The following TCOF1 variants were observed in gnomAD, a reference collection of about 807,000 sequenced individuals.
The protein encoded by TCOF1 is treacle protein.
TCOF1 carries 33 observed loss-of-function variants against 149.0 expected under a neutral mutation model. That is an observed-to-expected ratio of 0.22 (90% CI 0.17 to 0.30). TCOF1 has a LOEUF of 0.30. Among genes scored for constraint, TCOF1 ranks in the 10% least tolerant of loss-of-function variants. TCOF1 has a pLI of 1.00. For synonymous variants in TCOF1, 789 were observed against 738.8 expected (o/e 1.07, Z -1.10); for missense variants, 1,728 against 1,840.7 (o/e 0.94, Z 1.12).
chr5:150,388,119 G>A (rs745407465), intron 18 of TCOF1, 31 bp downstream of exon 18: 1 of 1,612,098 alleles, frequency 6.2e-7, no homozygotes, highest in South Asian at 1.1e-5. Context: ...GTGGTGGGAG[G>A]GGCTGCCAGC....
intron 19 of TCOF1, among the ~76,000 whole-genome samples, chr5:150,390,930 G>A (rs1581198476): frequency 6.6e-6 from 1 of 152,208 alleles, no homozygotes; most frequent in Admixed American, 6.5e-5. Flanking sequence ...TCACCAGCTG[G>A]TAGGAGAGGA....
Position 150,387,984 on chromosome 5 carries a change from C to A in TCOF1, c.2942C>A (p.Ala981Glu). 1.2e-6 allele frequency: 2 copies of A among 1,613,988 alleles called. No homozygotes were observed. Among genetic ancestry groups the A allele is most frequent in the African/African-American group, 1.3e-5 (1 of 75,060 alleles). ...GCTACACCCGCACAAGCCCAGGCTG[C>A]AAGCACCCCGAGGAAGGCCCGAGCC... ...PAATPAQAQAASTPRKARASE... is the reference protein window; with the variant it reads ...PAATPAQAQAESTPRKARASE... The change falls in exon 18 of 27, where the codon GCA becomes GAA. Residue 981 changes from alanine (A) to glutamate (E), a missense_variant. Ala to Glu is a moderately radical substitution (Grantham distance 107). This residue lies in a region of TCOF1 where 1,696 missense variants were observed against 1,765.4 expected (regional missense o/e 0.96). Transcript: ENST00000643257.
intron 1 of TCOF1, among the ~76,000 whole-genome samples, chr5:150,359,790 A>G (rs1422378029): frequency 6.6e-6 from 1 of 152,242 alleles, no homozygotes; most frequent in African/African-American, 2.4e-5. Flanking sequence ...AAAAAGTTTA[A>G]TAAGTTAATG....
rs1344576552 is a variant in TCOF1, at chr5:150,379,661, G to A, written c.2788G>A (p.Asp930Asn). Residue 930 changes from aspartate (D) to asparagine (N), a missense_variant, in exon 17 of 27, where the codon GAT (aspartate) becomes AAT (asparagine). Asp to Asn is a conservative substitution (Grantham distance 23, BLOSUM62 1). Coordinates refer to ENST00000643257, the MANE Select transcript of TCOF1 (RefSeq NM_001371623.1). ...TTCGGCTGCCCAGGCAGGGAAGCAG[G>A]ATGACTCAGGGAGCAGCAGCGAGGA... ...GPSAAQAGKQ[D>N]DSGSSSEESD... The A allele has an allele frequency of 6.2e-7, 1 of 1,614,208 alleles. No homozygotes were observed. Among genetic ancestry groups the A allele is most frequent in the Non-Finnish European group, 8.5e-7 (1 of 1,180,038 alleles).
In TCOF1 at chr5:150,374,809, C is replaced by G. The variant is rs1763358511; in HGVS notation, c.1276C>G (p.Gln426Glu). The G allele has an allele frequency of 1.9e-6, 3 of 1,606,108 alleles. No individual in the cohort carries two copies. Among genetic ancestry groups the G allele is most frequent in the Non-Finnish European group, 2.5e-6 (3 of 1,176,688 alleles). Residue 426 changes from glutamine to glutamate, a missense_variant and splice_region_variant, in exon 9 of 27, where the codon CAG becomes GAG. Coordinates refer to ENST00000643257, the MANE Select transcript of TCOF1 (RefSeq NM_001371623.1). ...ESDSEEEAPA[Q>E]AKPSGKAPQV... ...GGACAGTGAGGAGGAGGCGCCTGCT[C>G]AGGTGAGGCAGAGGGGAGGGGTGGA...
intron 6 of TCOF1, among the ~76,000 whole-genome samples, chr5:150,370,060 G>A (rs972586672): frequency 7.2e-5 from 11 of 152,234 alleles, no homozygotes; most frequent in Non-Finnish European, 1.5e-4. Context: ...CACTTGGCTA[G>A]AGTTGGGCAG....
At chr5:150,373,486 G>T (rs1193579590) in intron 7 of TCOF1, among the ~76,000 whole-genome samples, 1 of 152,180 alleles carries the variant, frequency 6.6e-6, no homozygotes, top group Non-Finnish European at 1.5e-5. Flanking sequence ...TGTTTTCTAG[G>T]GTTGTTGGCC....
chr5:150,380,085 AG>A, intron 17 of TCOF1: 3 of 265,882 alleles, frequency 1.1e-5, no homozygotes, highest in Non-Finnish European at 7.4e-6. Context: ...AAAAAAAAAA[AG>A]AAAAAAAAGA....
At chr5:150,371,426 G>GT (rs372137281) in intron 6 of TCOF1, among the ~76,000 whole-genome samples, 456 of 152,324 alleles carry the variant, frequency 3.0e-3, no homozygotes, top group African/African-American at 0.01. Context: ...CAGAGCTCCA[G>GT]TAGCAGACGC....
At chr5:150,379,130 G>A (rs1764459812) in intron 15 of TCOF1, 88 bp downstream of exon 15, 3 of 1,613,788 alleles carry the variant, frequency 1.9e-6, no homozygotes, top group Middle Eastern at 1.6e-4. Flanking sequence ...GAAGGTGCGT[G>A]CATGGGCAGG....
intron 17 of TCOF1, among the ~76,000 whole-genome samples, chr5:150,387,493 C>G (rs1766523306): frequency 2.0e-5 from 3 of 152,158 alleles, no homozygotes; most frequent in Admixed American, 1.3e-4. Context: ...CTGCTTAGAC[C>G]ACTCCCTGCA....
chr5:150,379,476 T>C, intron 16 of TCOF1, 56 bp from the exon 17 acceptor site: 1 of 1,614,064 alleles, frequency 6.2e-7, no homozygotes, highest in South Asian at 1.1e-5. Flanking sequence ...CCAGCTCCTG[T>C]CTTCTCACAC....
Position 150,375,918 on chromosome 5 carries a change from T to C in TCOF1, c.1893+9T>C. On this transcript the variant is annotated intron_variant, in intron 12 of 26. Transcript: ENST00000643257. Reference sequence around the variant, plus strand: ...CCATGACTGCAGCTCAGGTGAGGCCTGGGGAAGGAGGCTGCTACATGGCCT... The same window carrying C: ...CCATGACTGCAGCTCAGGTGAGGCCCGGGGAAGGAGGCTGCTACATGGCCT... 1 of 1,614,176 alleles carries C rather than the reference T, an allele frequency of 6.2e-7. No individual in the cohort carries two copies. The highest frequency in any genetic ancestry group is 8.5e-7 in the Non-Finnish European group (1 of 1,180,036).
At chr5:150,389,864 G>A in intron 18 of TCOF1, 23 bp from the exon 19 acceptor site, 2 of 1,614,136 alleles carry the variant, frequency 1.2e-6, no homozygotes, top group Non-Finnish European at 1.7e-6. Context: ...GCCCTGATGT[G>A]CCCCCATCTC....
At chr5:150,375,652 C>T in intron 11 of TCOF1, 69 bp from the exon 12 acceptor site, 2 of 1,612,746 alleles carry the variant, frequency 1.2e-6, no homozygotes, top group Non-Finnish European at 1.7e-6. Flanking sequence ...TGTCTACAAT[C>T]TTAGTTTCTT....
intron 7 of TCOF1, among the ~76,000 whole-genome samples, chr5:150,373,955 CAG>C (rs796555990): frequency 2.0e-5 from 3 of 152,194 alleles, no homozygotes; most frequent in African/African-American, 7.2e-5. Context: ...TGAAATGGAA[CAG>C]GGGGCATGGA....
At chr5:150,377,727 C>T (rs1764148352) in intron 14 of TCOF1, among the ~76,000 whole-genome samples, 1 of 152,090 alleles carries the variant, frequency 6.6e-6, no homozygotes, top group African/African-American at 2.4e-5. Flanking sequence ...AGGCACATTC[C>T]AGACCCAATG....
In TCOF1 at chr5:150,373,420, T is replaced by C. The variant is rs145128232; in HGVS notation, c.871-754T>C. ...AAAAAGGAGCTAGCCAAGCAAGACC[T>C]GTGTGGAGCAGCCTGCACTTTCTGC... is the stretch of plus-strand genomic sequence containing the variant. On this transcript the variant is annotated intron_variant, in intron 7 of 26. Transcript: ENST00000643257. Among the ~76,000 whole-genome samples the C allele has an allele frequency of 2.6e-3, 390 of 152,352 alleles. 1 individual carries two copies. Among genetic ancestry groups the C allele is most frequent in the African/African-American group, 9.0e-3 (375 of 41,580 alleles).
chr5:150,372,700 G>C (rs1394397086), intron 7 of TCOF1, among the ~76,000 whole-genome samples: 1 of 148,042 alleles, frequency 6.8e-6, no homozygotes, highest in African/African-American at 2.5e-5. Flanking sequence ...GGAAGAGTGA[G>C]GGTCACCCAC....
Sources: allele counts gnomAD v4.1 joint callset (sites outside exome capture counted in the v4.1 genomes callset), GRCh38; gene constraint gnomAD v4.1.1; regional missense constraint gnomAD v4.1.1; transcripts MANE v1.5; gene names NCBI Gene and HGNC (gene_info 2026-07-23, HGNC 2026-07-21).